Variants in PAK1 observed in about 807,000 individuals in gnomAD.
PAK1 encodes serine/threonine-protein kinase PAK 1.
A neutral mutation model predicts 67.4 loss-of-function variants in PAK1; 29 were observed. The ratio of observed to expected loss-of-function variants is 0.43; its 90% CI spans 0.32 to 0.59. PAK1 has a LOEUF of 0.59. Ranked by LOEUF, PAK1 falls within the 20% of genes least tolerant of loss-of-function variation. The pLI is 0.07. For synonymous variants in PAK1, 223 were observed against 237.4 expected (o/e 0.94, Z 0.56); for missense variants, 337 against 670.7 (o/e 0.50, Z 5.50).
intron 1 of PAK1, among the ~76,000 whole-genome samples, chr11:77,400,864 G>A (rs959707654): frequency 2.3e-4 from 35 of 152,190 alleles, no homozygotes; most frequent in Admixed American, 2.2e-3. Flanking sequence ...ATGAAGTGCT[G>A]AAGACAGAAC....
chr11:77,389,890 T>C (rs760850610), intron 2 of PAK1, among the ~76,000 whole-genome samples: 2 of 152,228 alleles, frequency 1.3e-5, no homozygotes, highest in Non-Finnish European at 2.9e-5. Context: ...TCTTATTACC[T>C]TTCTAGTTTG....
At chr11:77,503,535 AATATTAGCC>A in the PAK1 span, among the ~76,000 whole-genome samples, 1 of 152,220 alleles carries the variant, frequency 6.6e-6, no homozygotes, top group African/African-American at 2.4e-5. Flanking sequence ...TATCTCTATC[AATATTAGCC>A]ATATTAGAAA....
At chr11:77,474,227 G>C (rs1958014459), upstream of PAK1, 1 of 151,750 alleles carries the variant, frequency 6.6e-6, no homozygotes, top group African/African-American at 2.4e-5. Flanking sequence ...CGGCGGCGGC[G>C]GCTGCGGCTC....
rs866913177 is a variant in PAK1, at chr11:77,430,626, A to G, written c.-21-38085T>C. Among the ~76,000 whole-genome samples the G allele has an allele frequency of 9.2e-5, 14 of 152,382 alleles. No homozygotes were observed. The South Asian group carries it at 2.1e-3, about 23-fold the overall frequency. On this transcript the variant is annotated intron_variant, in intron 1 of 14. Coordinates refer to ENST00000356341, the MANE Select transcript of PAK1 (RefSeq NM_002576.5). ...TCTCTTTACCAAAGGGCAGAAAAAT[A>G]TAATAGAAAGAATATGGACTCTAGA... is the stretch of plus-strand genomic sequence containing the variant.
At chr11:77,357,462 T>G (rs991036324) in intron 6 of PAK1, among the ~76,000 whole-genome samples, 2 of 152,218 alleles carry the variant, frequency 1.3e-5, no homozygotes, top group Non-Finnish European at 2.9e-5. Context: ...AAACCTGTAC[T>G]TCCATGCCTT....
At chr11:77,514,367 C>T in the PAK1 span, among the ~76,000 whole-genome samples, 1 of 152,008 alleles carries the variant, frequency 6.6e-6, no homozygotes, top group African/African-American at 2.4e-5. Context: ...TAGTGGCGGA[C>T]ACCTGTAATC....
At chr11:77,451,250 C>G (rs1956838579) in intron 1 of PAK1, among the ~76,000 whole-genome samples, 1 of 152,200 alleles carries the variant, frequency 6.6e-6, no homozygotes, top group Non-Finnish European at 1.5e-5. Flanking sequence ...TCAGCTTCCC[C>G]TCACCCTTCT....
the PAK1 span, among the ~76,000 whole-genome samples, chr11:77,493,264 A>AT: frequency 1.6e-5 from 2 of 121,598 alleles, no homozygotes; most frequent in African/African-American, 3.4e-5. Flanking sequence ...GCACTCAGTC[A>AT]TTTTTTTGTT....
At chr11:77,344,096 G>A in intron 9 of PAK1, 165 bp from the exon 10 acceptor site, 1 of 563,370 alleles carries the variant, frequency 1.8e-6, no homozygotes, top group Non-Finnish European at 3.2e-6. Context: ...TCTTCAAAGT[G>A]AGGTCTCAAG....
At position 77,355,701 on chromosome 11, in the gene PAK1, T is replaced by C. The variant is rs1356610370; in HGVS notation, c.739A>G (p.Lys247Glu). The C allele has an allele frequency of 6.2e-7, 1 of 1,613,694 alleles. No individual in the cohort carries two copies. The highest frequency in any genetic ancestry group is 1.1e-5 in the South Asian group (1 of 91,072). The stretch of plus-strand genomic sequence containing the variant: ...TCCAAGATCTCCTCATCAGACATTT[T>C]AGGCTTCTTCTTCTGCTTCTCAGTA... ...RNTEKQKKKPKMSDEEILEKL... is the reference protein window; with the variant it reads ...RNTEKQKKKPEMSDEEILEKL... Residue 247 changes from lysine (K) to glutamate (E), a missense_variant, in exon 7 of 15, where the codon AAA becomes GAA. Lys to Glu is a moderately conservative substitution (Grantham distance 56). This residue lies in a region of PAK1 where 150 missense variants were observed against 179.0 expected (regional missense o/e 0.84). Transcript: ENST00000356341.
At chr11:77,497,826 G>A in the PAK1 span, among the ~76,000 whole-genome samples, 2 of 152,304 alleles carry the variant, frequency 1.3e-5, no homozygotes, top group South Asian at 2.1e-4. Flanking sequence ...TCACAATGCT[G>A]TATGCAAGTG....
At chr11:77,456,976 T>C (rs1341952273) in intron 1 of PAK1, among the ~76,000 whole-genome samples, 1 of 152,112 alleles carries the variant, frequency 6.6e-6, no homozygotes, top group Non-Finnish European at 1.5e-5. Flanking sequence ...CTCCTGACCT[T>C]GTGATCCGCC....
the PAK1 span, among the ~76,000 whole-genome samples, chr11:77,508,869 C>T: frequency 2.7e-5 from 4 of 149,700 alleles, no homozygotes; most frequent in African/African-American, 7.3e-5. Context: ...ACCGTGTTAG[C>T]CAGGATGGCC....
chr11:77,344,801 T>C (rs927783733), intron 9 of PAK1, among the ~76,000 whole-genome samples: 1 of 152,238 alleles, frequency 6.6e-6, no homozygotes, highest in Non-Finnish European at 1.5e-5. Flanking sequence ...TTTGATAACC[T>C]TGTTCAAAAA....
At chr11:77,511,480 G>A in the PAK1 span, among the ~76,000 whole-genome samples, 4 of 152,084 alleles carry the variant, frequency 2.6e-5, no homozygotes, top group Middle Eastern at 3.4e-3. Context: ...CTATGTCTCC[G>A]GAGTTTTGCC....
rs150989618 is a variant in PAK1, at chr11:77,434,229, C to T, written c.-22+39323G>A. Among the ~76,000 whole-genome samples, 107 of 152,194 alleles carry T rather than the reference C, an allele frequency of 7.0e-4. 5 individuals carry two copies. In the East Asian group the frequency reaches 0.02, roughly 29 times the overall value. ...ATTAGTCGCAGCCAAAAAATGGAAA[C>T]AACCCAAATATCCATGAACTGATAA... On this transcript the variant is annotated intron_variant, in intron 1 of 14. Transcript: ENST00000356341.
At position 77,447,686 on chromosome 11, in the gene PAK1, A is replaced by G. The variant is rs1166016184; in HGVS notation, c.-22+25866T>C. On this transcript the variant is annotated intron_variant, in intron 1 of 14. Transcript: ENST00000356341. ...ATTACAGGCGCCCACCACCACGCCC[A>G]GCTAATTTTTGTATTTTTAGTAGAG... 2.0e-5 allele frequency among the ~76,000 whole-genome samples: 3 copies of G among 151,918 alleles called. No individual in the cohort carries two copies. In the East Asian group the frequency reaches 5.8e-4, roughly 29 times the overall value.
chr11:77,493,216 G>A, the PAK1 span, among the ~76,000 whole-genome samples: 9 of 150,968 alleles, frequency 6.0e-5, no homozygotes, highest in Non-Finnish European at 7.4e-5. Context: ...CTCCCACCTC[G>A]GCCTCCCAAG....
the PAK1 span, among the ~76,000 whole-genome samples, chr11:77,490,569 C>T: frequency 6.6e-6 from 1 of 151,878 alleles, no homozygotes; most frequent in Non-Finnish European, 1.5e-5. Context: ...CTCTGCCCGG[C>T]CGCCCCTACT....
Sources: gnomAD v4.1 joint callset for allele counts (sites outside exome capture counted in the v4.1 genomes callset) on GRCh38, gnomAD v4.1.1 for gene constraint, gnomAD v4.1.1 regional missense constraint, MANE v1.5 for transcripts, NCBI Gene and HGNC (gene_info 2026-07-23, HGNC 2026-07-21) for gene names.